The following TENM4 variants were observed in gnomAD, a reference collection of about 807,000 sequenced individuals.
The protein encoded by TENM4 is teneurin transmembrane protein 4, also known as teneurin-4.
TENM4 carries 82 observed loss-of-function variants against 243.3 expected under a neutral mutation model. That is an observed-to-expected ratio of 0.34 (90% CI 0.28 to 0.40). The LOEUF (loss-of-function observed/expected upper bound fraction) is 0.40, where lower values mean the gene tolerates loss of function less well. Ranked by LOEUF, TENM4 falls within the 10% of genes least tolerant of loss-of-function variation. TENM4 has a pLI of 1.00. For missense variants in TENM4, 3,138 were observed against 3,673.3 expected (o/e 0.85, Z 3.77); for synonymous variants, 1,412 against 1,456.3 (o/e 0.97, Z 0.69).
intron 25 of TENM4, among the ~76,000 whole-genome samples, chr11:78,716,934 G>A (rs761516840): frequency 1.8e-4 from 28 of 152,308 alleles, no homozygotes; most frequent in Non-Finnish European, 3.1e-4. Flanking sequence ...AGCATGAGAC[G>A]GAAGACGGCC....
intron 1 of TENM4, among the ~76,000 whole-genome samples, chr11:79,360,617 C>T (rs1278153731): frequency 6.6e-6 from 1 of 152,160 alleles, no homozygotes; most frequent in Non-Finnish European, 1.5e-5. Context: ...AAAAGCATAT[C>T]CCAGTGACAA....
At chr11:79,284,508 A>G (rs774773853) in intron 2 of TENM4, among the ~76,000 whole-genome samples, 1 of 152,230 alleles carries the variant, frequency 6.6e-6, no homozygotes, top group Non-Finnish European at 1.5e-5. Context: ...ATGCGAAAGA[A>G]TGAAGTTTGC....
intron 3 of TENM4, among the ~76,000 whole-genome samples, chr11:79,175,124 A>C (rs1205920246): frequency 1.3e-5 from 2 of 152,232 alleles, no homozygotes; most frequent in Non-Finnish European, 2.9e-5. Flanking sequence ...TCAGCAGGGC[A>C]TATTGGACCG....
At chr11:79,350,213 AG>A (rs1352453133) in intron 1 of TENM4, among the ~76,000 whole-genome samples, 1 of 152,204 alleles carries the variant, frequency 6.6e-6, no homozygotes, top group Non-Finnish European at 1.5e-5. Flanking sequence ...ACTAAGAAAA[AG>A]GTCTCCAACC....
At chr11:79,283,831 G>A (rs575646592) in intron 2 of TENM4, among the ~76,000 whole-genome samples, 125 of 152,188 alleles carry the variant, frequency 8.2e-4, no homozygotes, top group African/African-American at 3.0e-3. Context: ...CCACAAAAGA[G>A]CTATTAGAAT....
intron 6 of TENM4, among the ~76,000 whole-genome samples, chr11:79,011,601 G>A (rs368565580): frequency 6.0e-4 from 92 of 152,308 alleles, no homozygotes; most frequent in African/African-American, 2.2e-3. Context: ...TCCTCTCCAG[G>A]AACTGGCTGC....
At chr11:78,976,601 A>G (rs1328162946) in intron 6 of TENM4, among the ~76,000 whole-genome samples, 1 of 152,192 alleles carries the variant, frequency 6.6e-6, no homozygotes, top group Non-Finnish European at 1.5e-5. Context: ...TGGGGAAAGC[A>G]CAAACATAAT....
At chr11:79,124,209 G>A (rs963674299) in intron 4 of TENM4, among the ~76,000 whole-genome samples, 1 of 152,154 alleles carries the variant, frequency 6.6e-6, no homozygotes, top group Non-Finnish European at 1.5e-5. Context: ...ATGGTGTGAT[G>A]GTTAATATTG....
At chr11:78,765,816 G>C (rs766042916) in intron 18 of TENM4, among the ~76,000 whole-genome samples, 2 of 152,214 alleles carry the variant, frequency 1.3e-5, no homozygotes, top group Non-Finnish European at 2.9e-5. Context: ...TGGCACTCAG[G>C]AATGTGCTCA....
chr11:78,758,219 C>T lies in TENM4; in HGVS notation c.2540-1198G>A, dbSNP rs79579549. ...TCAGCTGTGTGACTTTGGGAAACTT[C>T]CTCACCACCGTGGGAGCGCACAGAT... On this transcript the variant is annotated intron_variant, in intron 18 of 33. Transcript: ENST00000278550. 9.5e-3 allele frequency among the ~76,000 whole-genome samples: 1,453 copies of T among 152,288 alleles called. 11 individuals are homozygous for T. Among genetic ancestry groups the T allele is most frequent in the Middle Eastern group, 0.017 (5 of 294 alleles).
At chr11:78,892,581 C>G (rs1470394385) in intron 7 of TENM4, among the ~76,000 whole-genome samples, 1 of 152,056 alleles carries the variant, frequency 6.6e-6, no homozygotes, top group South Asian at 2.1e-4. Context: ...TTATATGGAT[C>G]GGCTGAGATA....
At chr11:78,899,561 G>GGT (rs1565429971) in intron 7 of TENM4, among the ~76,000 whole-genome samples, 1 of 127,288 alleles carries the variant, frequency 7.9e-6, no homozygotes, top group Admixed American at 7.6e-5. Flanking sequence ...TCAAAAAGCG[G>GGT]GGGGGGGGGG....
chr11:79,238,938 T>C (rs1864534114), intron 2 of TENM4, among the ~76,000 whole-genome samples: 1 of 152,168 alleles, frequency 6.6e-6, no homozygotes, highest in South Asian at 2.1e-4. Context: ...GGCATGAGAA[T>C]CGCTTAAACC....
At chr11:79,290,014 T>G (rs998846082) in intron 2 of TENM4, among the ~76,000 whole-genome samples, 2 of 152,154 alleles carry the variant, frequency 1.3e-5, no homozygotes, top group Non-Finnish European at 2.9e-5. Context: ...CAGGCGGGTC[T>G]TGAACTCCTG....
In TENM4 at chr11:79,399,612, C is replaced by T. The variant is rs191256739; in HGVS notation, c.-321+40897G>A. On this transcript the variant is annotated intron_variant, in intron 1 of 33. Coordinates refer to ENST00000278550, the MANE Select transcript of TENM4 (RefSeq NM_001098816.3). Reference sequence around the variant, plus strand: ...GCTAATTAACAGGCATCGAGTCTTGCTTGAATACATTTGTTTATTAATTTG... The same window carrying T: ...GCTAATTAACAGGCATCGAGTCTTGTTTGAATACATTTGTTTATTAATTTG... Among the ~76,000 whole-genome samples the T allele has an allele frequency of 6.2e-4, 94 of 152,198 alleles. 2 individuals are homozygous for T. Among genetic ancestry groups the T allele is most frequent in the African/African-American group, 2.2e-3 (91 of 41,544 alleles).
chr11:79,206,359 C>A (rs1293602970), intron 3 of TENM4, among the ~76,000 whole-genome samples: 1 of 152,212 alleles, frequency 6.6e-6, no homozygotes, highest in Non-Finnish European at 1.5e-5. Flanking sequence ...TTGGAAGGAA[C>A]TGAGAGCTTT....
At chr11:79,039,288 AG>A (rs1859460129) in intron 6 of TENM4, among the ~76,000 whole-genome samples, 1 of 152,168 alleles carries the variant, frequency 6.6e-6, no homozygotes, top group African/African-American at 2.4e-5. Context: ...ACAGCCTCAA[AG>A]GGTTTTTGGT....
intron 6 of TENM4, among the ~76,000 whole-genome samples, chr11:78,935,663 GA>G (rs1856768052): frequency 6.6e-6 from 1 of 152,166 alleles, no homozygotes; most frequent in African/African-American, 2.4e-5. Flanking sequence ...ACACATTTAA[GA>G]AAGTTCAAAG....
chr11:79,310,737 C>A (rs555850848), intron 1 of TENM4, among the ~76,000 whole-genome samples: 1 of 152,152 alleles, frequency 6.6e-6, no homozygotes, highest in Non-Finnish European at 1.5e-5. Context: ...TTTCCCCATC[C>A]CCTTCACTCT....
Sources: gnomAD v4.1 joint callset for allele counts (sites outside exome capture counted in the v4.1 genomes callset) on GRCh38, gnomAD v4.1.1 for gene constraint, MANE v1.5 for transcripts, NCBI Gene and HGNC (gene_info 2026-07-23, HGNC 2026-07-21) for gene names.